The following CUX1 variants were observed in gnomAD, a reference collection of about 807,000 sequenced individuals.
CUX1 encodes protein CASP.
Under a neutral mutation model 158.8 loss-of-function variants are expected in CUX1, and 31 were observed. The ratio of observed to expected loss-of-function variants is 0.20; its 90% CI spans 0.15 to 0.26. The LOEUF is 0.26. Among genes scored for constraint, CUX1 ranks in the 10% least tolerant of loss-of-function variants. The pLI is 1.00. For missense variants in CUX1, 1,589 were observed against 2,014.6 expected (o/e 0.79, Z 4.04); for synonymous variants, 879 against 862.1 (o/e 1.02, Z -0.34).
intron 5 of CUX1, among the ~76,000 whole-genome samples, chr7:102,099,385 C>T (rs1462255682): frequency 6.6e-6 from 1 of 151,976 alleles, no homozygotes; most frequent in Non-Finnish European, 1.5e-5. Flanking sequence ...CATTTCTTGC[C>T]AGAATCACGC....
intron 1 of CUX1, among the ~76,000 whole-genome samples, chr7:101,894,383 G>A (rs1584907049): frequency 6.6e-6 from 1 of 152,262 alleles, no homozygotes; most frequent in South Asian, 2.1e-4. Context: ...GCACGATCTC[G>A]GCTCACTGCA....
chr7:102,144,426 G>A (rs1307288443), intron 8 of CUX1, among the ~76,000 whole-genome samples: 1 of 152,052 alleles, frequency 6.6e-6, no homozygotes, highest in Non-Finnish European at 1.5e-5. Context: ...TTGACTTGAA[G>A]CTACTCCCAG....
chr7:102,141,082 G>T (rs1051283106), intron 8 of CUX1, among the ~76,000 whole-genome samples: 6 of 152,050 alleles, frequency 3.9e-5, no homozygotes, highest in Admixed American at 1.3e-4. Context: ...GACGGTCTTC[G>T]TGGGGCCAGC....
intron 2 of CUX1, among the ~76,000 whole-genome samples, chr7:101,972,586 T>A (rs1812099908): frequency 6.6e-6 from 1 of 152,178 alleles, no homozygotes; most frequent in African/African-American, 2.4e-5. Flanking sequence ...CCTTTGCTCC[T>A]CCTTTTTGTC....
At chr7:101,924,758 G>A (rs1805384615) in intron 2 of CUX1, among the ~76,000 whole-genome samples, 1 of 150,572 alleles carries the variant, frequency 6.6e-6, no homozygotes, top group African/African-American at 2.4e-5. Context: ...ATTTTTTGTA[G>A]AGATGGGGGT....
intron 11 of CUX1, 43 bp from the exon 12 acceptor site, chr7:102,189,770 G>GT (rs1554516439): frequency 6.2e-7 from 1 of 1,608,778 alleles, no homozygotes; most frequent in South Asian, 1.1e-5. Flanking sequence ...CCGTCGACCT[G>GT]TTGTCAGGCA....
Position 102,095,443 on chromosome 7 carries a change from AG to A in CUX1, c.269-1918del, listed in dbSNP as rs1183790932. ...CGTGCAGAGTAAGTGCCCAGCAGCC[AG>A]GGATTCTGCATGATGGACTGTGTTG... On this transcript the variant is annotated intron_variant, in intron 4 of 23. Transcript: ENST00000292535. Among the ~76,000 whole-genome samples, 4 of 152,302 alleles carry A rather than the reference AG, an allele frequency of 2.6e-5. No homozygotes were observed. The East Asian group carries it at 7.7e-4, about 29-fold the overall frequency.
chr7:101,976,365 C>CAA (rs1812679630), intron 2 of CUX1, among the ~76,000 whole-genome samples: 1 of 152,108 alleles, frequency 6.6e-6, no homozygotes, highest in Non-Finnish European at 1.5e-5. Flanking sequence ...CTCATTTTCC[C>CAA]AATGCAATAT....
chr7:102,062,349 G>A (rs569057403), intron 3 of CUX1, among the ~76,000 whole-genome samples: 7 of 152,220 alleles, frequency 4.6e-5, no homozygotes, highest in South Asian at 2.1e-4. Context: ...CAGCACAGCC[G>A]TGCTGGCACT....
chr7:102,108,895 C>T (rs534156024), intron 6 of CUX1, among the ~76,000 whole-genome samples: 1 of 152,050 alleles, frequency 6.6e-6, no homozygotes, highest in Non-Finnish European at 1.5e-5. Context: ...GCTGGGGTTA[C>T]AGGTGCCCAA....
chr7:101,989,508 C>T (rs545415273), intron 2 of CUX1, among the ~76,000 whole-genome samples: 6 of 152,266 alleles, frequency 3.9e-5, no homozygotes, highest in African/African-American at 1.2e-4. Context: ...AATTCAAACC[C>T]GAGTGGAGCG....
At position 101,836,078 on chromosome 7, in the gene CUX1, C is replaced by A. The variant is rs572995198; in HGVS notation, c.30+18409C>A. ...ATTAAATTATGATCGACTATAGTCA[C>A]CCTGTTGTGCTGTCAAATACTAGGC... On this transcript the variant is annotated intron_variant, in intron 1 of 23. Coordinates refer to ENST00000292535, the MANE Select transcript of CUX1 (RefSeq NM_181552.4). 4.2e-4 allele frequency among the ~76,000 whole-genome samples: 64 copies of A among 152,322 alleles called. No individual in the cohort carries two copies. The South Asian group carries it at 0.013, about 32-fold the overall frequency.
intron 10 of CUX1, among the ~76,000 whole-genome samples, chr7:102,173,837 GC>G (rs1699885386): frequency 6.6e-6 from 1 of 152,140 alleles, no homozygotes; most frequent in Non-Finnish European, 1.5e-5. Context: ...CCCCAGAGCA[GC>G]CCCGTGGGGC....
At chr7:101,816,457 G>A (rs1414819615), upstream of CUX1, among the ~76,000 whole-genome samples, 1 of 141,530 alleles carries the variant, frequency 7.1e-6, no homozygotes, top group East Asian at 2.2e-4. Context: ...CGGGACCGGG[G>A]AGGGGGCGGC....
chr7:102,088,497 G>A (rs1828179806), intron 4 of CUX1, among the ~76,000 whole-genome samples: 1 of 152,076 alleles, frequency 6.6e-6, no homozygotes, highest in African/African-American at 2.4e-5. Flanking sequence ...AGCTGGGTGT[G>A]ATGGTGCACA....
rs1789768076 is a variant in CUX1, at chr7:102,255,219, C to T, written c.*6177C>T. 1.0e-6 allele frequency: 1 copy of T among 985,362 alleles called. No homozygotes were observed. The highest frequency in any genetic ancestry group is 4.7e-5 in the South Asian group (1 of 21,288). 61.0% of individuals were successfully genotyped at this position (985,362 alleles called of 1,614,324 possible). Reference sequence around the variant, plus strand: ...CCTCCTCCTGCCCAGGCCTCTCCCACCACCACCTTCCCTCCAAAGATAACC... The same window carrying T: ...CCTCCTCCTGCCCAGGCCTCTCCCATCACCACCTTCCCTCCAAAGATAACC... On this transcript the variant is annotated 3_prime_UTR_variant, in exon 24 of 24. Transcript: ENST00000292535.
Position 101,944,362 on chromosome 7 carries a change from A to G in CUX1, c.141+28137A>G, listed in dbSNP as rs1170545034. 2.0e-5 allele frequency among the ~76,000 whole-genome samples: 3 copies of G among 152,346 alleles called. No homozygotes were observed. The South Asian group carries it at 6.2e-4, about 32-fold the overall frequency. On this transcript the variant is annotated intron_variant, in intron 2 of 23. Coordinates refer to ENST00000292535, the MANE Select transcript of CUX1 (RefSeq NM_181552.4). The stretch of plus-strand genomic sequence containing the variant: ...GAAGGCGTTGATACATTTATAGGCT[A>G]GCATTCAACATCAGCGTTGTGCTCT...
chr7:102,057,251 C>G (rs1279125576), intron 3 of CUX1, among the ~76,000 whole-genome samples: 1 of 152,212 alleles, frequency 6.6e-6, no homozygotes, highest in Non-Finnish European at 1.5e-5. Flanking sequence ...ACCTGGTCAA[C>G]AAGAGCTCTG....
Position 102,250,934 on chromosome 7 carries a change from A to G in CUX1, c.*1892A>G, listed in dbSNP as rs1405989004. ...CTAATTTAGACTTCTTTATTGCCAT[A>G]TCTTTAAACTAACAATAGATGATTT... On this transcript the variant is annotated 3_prime_UTR_variant, in exon 24 of 24. Transcript: ENST00000292535. 8 of 978,382 alleles carry G rather than the reference A, an allele frequency of 8.2e-6. No homozygotes were observed. The highest frequency in any genetic ancestry group is 9.7e-6 in the Non-Finnish European group (8 of 823,784). The allele number at this position is 978,382 out of a possible 1,614,324, so 60.6% of individuals were successfully genotyped here. A position where few individuals can be genotyped will look rare whatever the true frequency, so the allele number is the denominator to read the frequency against.
Sources: allele counts gnomAD v4.1 joint callset (sites outside exome capture counted in the v4.1 genomes callset), GRCh38; gene constraint gnomAD v4.1.1; transcripts MANE v1.5; gene names NCBI Gene and HGNC (gene_info 2026-07-23, HGNC 2026-07-21).